ACTL8: variants seen among roughly 807,000 people sequenced by gnomAD.
ACTL8 encodes actin-like protein 8.
ACTL8 carries 3 observed loss-of-function variants against 9.3 expected under a neutral mutation model. That is an observed-to-expected ratio of 0.32 (90% CI 0.15 to 0.83). The LOEUF is 0.83. Ranked by LOEUF, ACTL8 falls within the 40% of genes least tolerant of loss-of-function variation. ACTL8 has a pLI of 0.57. For missense variants in ACTL8, 381 were observed against 492.2 expected, an observed-to-expected ratio of 0.77 and a Z score of 2.14; for synonymous variants, 224 against 205.9, an observed-to-expected ratio of 1.09 and a Z score of -0.75.
chr1:17,808,586 A>G (rs11808770), intron 1 of ACTL8, among the ~76,000 whole-genome samples: 3,510 of 152,290 alleles, frequency 0.023, 128 homozygotes, highest in African/African-American at 0.077. Context: ...CTATGCCCTC[A>G]TCATTGGGTT....
chr1:17,816,450 C>T (rs1186814898), intron 1 of ACTL8, among the ~76,000 whole-genome samples: 4 of 152,268 alleles, frequency 2.6e-5, no homozygotes, highest in Admixed American at 6.5e-5. Flanking sequence ...GCAATCCACC[C>T]GCCTTGGCCT....
chr1:17,763,178 T>C (rs2102674098), intron 1 of ACTL8, among the ~76,000 whole-genome samples: 1 of 152,302 alleles, frequency 6.6e-6, no homozygotes, highest in Non-Finnish European at 1.5e-5. Context: ...TTTCTGTCTT[T>C]GGATGGCTTC....
chr1:17,826,609 A>G lies in ACTL8; in HGVS notation c.*90A>G. ...AAATGTTCTGGGTGGGGGTAGAATG[A>G]GGTGGGGTGGGGTGAGCTGGCTTTG... On this transcript the variant is annotated 3_prime_UTR_variant, in exon 3 of 3. Coordinates refer to ENST00000375406, the MANE Select transcript of ACTL8 (RefSeq NM_030812.3). This position sits in a 1 kb window ranked among gnomAD's most constrained non-coding sequence, Gnocchi z 4.5. 8 of 917,754 alleles carry G rather than the reference A, an allele frequency of 8.7e-6. No homozygotes were observed. Among genetic ancestry groups the G allele is most frequent in the Non-Finnish European group, 1.2e-5 (8 of 660,988 alleles). 56.9% of individuals were successfully genotyped at this position (917,754 alleles called of 1,614,324 possible).
intron 1 of ACTL8, among the ~76,000 whole-genome samples, chr1:17,769,581 A>G (rs1174583630): frequency 6.6e-6 from 1 of 152,112 alleles, no homozygotes; most frequent in East Asian, 1.9e-4. Flanking sequence ...GTCCACCAGT[A>G]AAAAGGGGGT....
At chr1:17,808,042 A>G (rs905104807) in intron 1 of ACTL8, among the ~76,000 whole-genome samples, 2 of 152,212 alleles carry the variant, frequency 1.3e-5, no homozygotes, top group Non-Finnish European at 2.9e-5. Context: ...TACCCATAAA[A>G]TGAGATGGAA....
At chr1:17,762,344 G>C (rs144678532) in intron 1 of ACTL8, among the ~76,000 whole-genome samples, 1 of 152,046 alleles carries the variant, frequency 6.6e-6, no homozygotes, top group South Asian at 2.1e-4. Flanking sequence ...AGGAAGGATG[G>C]CTACTTTCTG....
intron 1 of ACTL8, among the ~76,000 whole-genome samples, chr1:17,796,605 C>T (rs187802802): frequency 9.2e-5 from 14 of 152,232 alleles, no homozygotes; most frequent in Admixed American, 4.6e-4. Context: ...CCTCCACCCC[C>T]TCTGGGGTAA....
intron 1 of ACTL8, among the ~76,000 whole-genome samples, chr1:17,765,643 C>T (rs2066039057): frequency 6.6e-6 from 1 of 152,220 alleles, no homozygotes; most frequent in South Asian, 2.1e-4. Context: ...CACATGATGT[C>T]ATTGTTGCTC....
At chr1:17,821,410 C>T (rs955592526) in intron 1 of ACTL8, among the ~76,000 whole-genome samples, 2 of 152,098 alleles carry the variant, frequency 1.3e-5, no homozygotes, top group Admixed American at 6.5e-5. Flanking sequence ...ACATTTATTT[C>T]TGTGATCCAT....
intron 1 of ACTL8, among the ~76,000 whole-genome samples, chr1:17,807,420 C>A (rs1257643923): frequency 6.6e-6 from 1 of 152,198 alleles, no homozygotes; most frequent in Non-Finnish European, 1.5e-5. Flanking sequence ...AGTTTCCCAA[C>A]TGTGCCTCAG....
intron 1 of ACTL8, among the ~76,000 whole-genome samples, chr1:17,795,799 G>A (rs915846970): frequency 1.3e-5 from 2 of 152,152 alleles, no homozygotes; most frequent in Admixed American, 6.5e-5. Context: ...CACCTTCCCC[G>A]AGTTCGAGGT....
chr1:17,814,805 A>G (rs543556585), intron 1 of ACTL8, among the ~76,000 whole-genome samples: 1 of 152,288 alleles, frequency 6.6e-6, no homozygotes, highest in East Asian at 1.9e-4. Flanking sequence ...GTACAATAAC[A>G]TGCCGTACCG....
At chr1:17,786,649 G>A (rs185028704) in intron 1 of ACTL8, among the ~76,000 whole-genome samples, 2 of 152,228 alleles carry the variant, frequency 1.3e-5, no homozygotes, top group East Asian at 3.9e-4. Flanking sequence ...ACATATACAT[G>A]GACCTTCTTT....
At chr1:17,818,005 A>G (rs1281717741) in intron 1 of ACTL8, among the ~76,000 whole-genome samples, 1 of 152,108 alleles carries the variant, frequency 6.6e-6, no homozygotes, top group African/African-American at 2.4e-5. Context: ...CCTGACCTCA[A>G]CCACGTTCAA....
chr1:17,778,000 G>A (rs1232614731), intron 1 of ACTL8, among the ~76,000 whole-genome samples: 1 of 152,142 alleles, frequency 6.6e-6, no homozygotes, highest in Non-Finnish European at 1.5e-5. Context: ...TCCTAGCCCC[G>A]CCGCCTTTTT....
chr1:17,782,269 CAATT>C (rs2102683819), intron 1 of ACTL8, among the ~76,000 whole-genome samples: 1 of 152,170 alleles, frequency 6.6e-6, no homozygotes, highest in Non-Finnish European at 1.5e-5. Context: ...GGCAGACTGA[CAATT>C]AGGAAGACAA....
intron 1 of ACTL8, among the ~76,000 whole-genome samples, chr1:17,759,245 A>G (rs1468775699): frequency 6.6e-6 from 1 of 152,218 alleles, no homozygotes; most frequent in South Asian, 2.1e-4. Context: ...CTCCCTGTCC[A>G]GGCAGCAAGC....
chr1:17,757,257 T>C lies in ACTL8; in HGVS notation c.-25+1753T>C, dbSNP rs72927109. Among the ~76,000 whole-genome samples the C allele has an allele frequency of 7.2e-3, 1,087 of 151,914 alleles. 11 individuals carry two copies. Among genetic ancestry groups the C allele is most frequent in the African/African-American group, 0.025 (1,036 of 41,510 alleles). On this transcript the variant is annotated intron_variant, in intron 1 of 2. Transcript: ENST00000375406. ...ATCAGACAGCTTCCATGGCAGCCCT[T>C]AAGGAAGTTCTTATTTCTTGCAGCC...
chr1:17,798,878 A>G (rs1451413641), intron 1 of ACTL8, among the ~76,000 whole-genome samples: 1 of 152,152 alleles, frequency 6.6e-6, no homozygotes, highest in Non-Finnish European at 1.5e-5. Flanking sequence ...GCCTTAACCG[A>G]CATCACTAGT....
Sources: allele counts gnomAD v4.1 joint callset (sites outside exome capture counted in the v4.1 genomes callset), GRCh38; gene constraint gnomAD v4.1.1; non-coding constraint Gnocchi (gnomAD v3.1); transcripts MANE v1.5; gene names NCBI Gene and HGNC (gene_info 2026-07-23, HGNC 2026-07-21).